POLR3GL: variants seen among roughly 807,000 people sequenced by gnomAD.
The protein encoded by POLR3GL is DNA-directed RNA polymerase III subunit RPC7-like.
POLR3GL carries 26 observed loss-of-function variants against 32.4 expected under a neutral mutation model. The ratio of observed to expected loss-of-function variants is 0.80; its 90% CI spans 0.59 to 1.11. The LOEUF (loss-of-function observed/expected upper bound fraction) is 1.11, where lower values mean the gene tolerates loss of function less well. Ranked by LOEUF, POLR3GL falls within the 50% of genes most tolerant of loss-of-function variation. POLR3GL has a pLI of 0.00. For synonymous variants in POLR3GL, 95 were observed against 98.7 expected (o/e 0.96, Z 0.22); for missense variants, 229 against 280.1 (o/e 0.82, Z 1.30).
chr1:145,978,353 C>G lies in POLR3GL; in HGVS notation c.571-8C>G, dbSNP rs6694055. On this transcript the variant is annotated splice_polypyrimidine_tract_variant and splice_region_variant and intron_variant, in intron 7 of 7. Coordinates refer to ENST00000369314, the MANE Select transcript of POLR3GL (RefSeq NM_032305.3). Reference sequence around the variant, plus strand: ...AATTGACTTTTACTTTTTTTTTTTCCATTTCAGGAAACTGATTACATCATG... The same window carrying G: ...AATTGACTTTTACTTTTTTTTTTTCGATTTCAGGAAACTGATTACATCATG... The G allele has an allele frequency of 0.016, 16,883 of 1,060,178 alleles. 1,044 individuals carry two copies. In the African/African-American group the frequency reaches 0.22, roughly 14 times the overall value. The allele number at this position is 1,060,178 out of a possible 1,614,324, so 65.7% of individuals were successfully genotyped here. A position where few individuals can be genotyped will look rare whatever the true frequency, so the allele number is the denominator to read the frequency against.
intron 1 of POLR3GL, among the ~76,000 whole-genome samples, chr1:145,970,697 C>T (rs1650236892): frequency 6.6e-6 from 1 of 150,724 alleles, no homozygotes; most frequent in Non-Finnish European, 1.5e-5. Flanking sequence ...GATGGTGAAA[C>T]CCCGTCTCTA....
intron 7 of POLR3GL, 84 bp from the exon 8 acceptor site, chr1:145,978,277 G>A: frequency 2.3e-6 from 3 of 1,303,840 alleles, no homozygotes; most frequent in Middle Eastern, 1.9e-4. Context: ...GCCTGGAATG[G>A]TGTGACTGAG....
intron 1 of POLR3GL, among the ~76,000 whole-genome samples, chr1:145,969,135 G>A (rs1452255586): frequency 6.6e-6 from 1 of 152,004 alleles, no homozygotes; most frequent in Non-Finnish European, 1.5e-5. Context: ...GTCTCACTCT[G>A]TTGCCCAGAC....
chr1:145,973,946 T>G, intron 1 of POLR3GL, among the ~76,000 whole-genome samples: 1 of 117,982 alleles, frequency 8.5e-6, no homozygotes, highest in African/African-American at 3.3e-5. Context: ...CTTGACATAA[T>G]GAAATCCAGT....
At chr1:145,976,755 A>G (rs868909395) in intron 3 of POLR3GL, among the ~76,000 whole-genome samples, 3 of 151,734 alleles carry the variant, frequency 2.0e-5, no homozygotes, top group African/African-American at 7.3e-5. Context: ...TCTACTAAAA[A>G]TACAAAAATT....
chr1:145,971,989 A>AATATATATATATAT (rs1165893062), intron 1 of POLR3GL, among the ~76,000 whole-genome samples: 1 of 66,966 alleles, frequency 1.5e-5, no homozygotes, highest in African/African-American at 6.4e-5. Context: ...AAAAAAAAAA[A>AATATATATATATAT]ATATATATAT....
At chr1:145,974,588 A>G (rs1650463632) in intron 1 of POLR3GL, among the ~76,000 whole-genome samples, 1 of 152,332 alleles carries the variant, frequency 6.6e-6, no homozygotes, top group Middle Eastern at 3.4e-3. Flanking sequence ...AGGTGTCAGC[A>G]CTTTCTCCTT....
chr1:145,970,531 G>C (rs1325220652), intron 1 of POLR3GL, among the ~76,000 whole-genome samples: 1 of 151,948 alleles, frequency 6.6e-6, no homozygotes, highest in African/African-American at 2.4e-5. Flanking sequence ...AAATTTAGCA[G>C]ATAGTGCCAA....
chr1:145,977,786 A>G lies in POLR3GL; in HGVS notation c.391A>G (p.Ile131Val). Residue 131 changes from isoleucine to valine, a missense_variant, in exon 6 of 8, where the codon ATT (isoleucine) becomes GTT (valine). Ile to Val is a conservative substitution (Grantham distance 29). Transcript: ENST00000369314. ...TTTGATCCCTCCACCAGGGATTACA[A>G]TTCTGCTCCCCAAGAGGCCCCCTAA... ...VRKLQKERITILLPKRPPKTT... is the reference protein window; with the variant it reads ...VRKLQKERITVLLPKRPPKTT... The G allele has an allele frequency of 1.2e-6, 2 of 1,614,060 alleles. No individual in the cohort carries two copies. Among genetic ancestry groups the G allele is most frequent in the Non-Finnish European group, 1.7e-6 (2 of 1,179,948 alleles).
chr1:145,974,815 T>C lies in POLR3GL; in HGVS notation c.-41-10T>C. The stretch of plus-strand genomic sequence containing the variant: ...ACATTTCTTTTTCTCTTTGTTTTTG[T>C]CTTTATTAGGTTTATTCACTGGATC... On this transcript the variant is annotated splice_polypyrimidine_tract_variant and intron_variant, in intron 1 of 7. Transcript: ENST00000369314. 6.9e-7 allele frequency: 1 copy of C among 1,448,406 alleles called. No individual in the cohort carries two copies. The highest frequency in any genetic ancestry group is 1.5e-5 in the South Asian group (1 of 65,910). 89.7% of individuals were successfully genotyped at this position (1,448,406 alleles called of 1,614,324 possible).
In POLR3GL at chr1:145,977,122, C is replaced by T; in HGVS notation, c.295C>T (p.Pro99Ser). ...TTCAGACAAATATCAGATGTCAGGT[C>T]CGATTGACAATGCCATCGATTGGAA... ...RYSDKYQMSG[P>S]IDNAIDWNPD... Residue 99 changes from proline to serine, a missense_variant, in exon 4 of 8, where the codon CCG becomes TCG. Coordinates refer to ENST00000369314, the MANE Select transcript of POLR3GL (RefSeq NM_032305.3). The T allele has an allele frequency of 6.2e-7, 1 of 1,613,846 alleles. No individual in the cohort carries two copies.
intron 1 of POLR3GL, among the ~76,000 whole-genome samples, chr1:145,967,293 G>C (rs745968832): frequency 1.3e-5 from 2 of 151,846 alleles, no homozygotes; most frequent in Non-Finnish European, 2.9e-5. Flanking sequence ...TCATGCCTCA[G>C]CCTCCTGAGT....
Position 145,967,180 on chromosome 1 carries a change from C to CT in POLR3GL, c.-42+2426dup, listed in dbSNP as rs1409457547. On this transcript the variant is annotated intron_variant, in intron 1 of 7. Transcript: ENST00000369314. ...GTGGTTTTATTGGCCATTCTCTCTC[C>CT]TTTTTTTTTTTTTTGAGACAGTCTT... Among the ~76,000 whole-genome samples the CT allele has an allele frequency of 7.3e-3, 1,038 of 142,268 alleles. 6 individuals carry two copies. Among genetic ancestry groups the CT allele is most frequent in the South Asian group, 0.017 (77 of 4,482 alleles). 93.3% of individuals were successfully genotyped at this position (142,268 alleles called of 152,430 possible).
In POLR3GL at chr1:145,971,469, A is replaced by G. The variant is rs587646520; in HGVS notation, c.-41-3356A>G. 5.6e-4 allele frequency among the ~76,000 whole-genome samples: 86 copies of G among 152,246 alleles called. 1 individual carries two copies. Among genetic ancestry groups the G allele is most frequent in the African/African-American group, 2.1e-3 (86 of 41,552 alleles). On this transcript the variant is annotated intron_variant, in intron 1 of 7. Coordinates refer to ENST00000369314, the MANE Select transcript of POLR3GL (RefSeq NM_032305.3). Reference sequence around the variant, plus strand: ...TATTGTAGGATGCCTTTCTGCTGGAATTTGATATTTTTCTCTTTATTAGTG... The same window carrying G: ...TATTGTAGGATGCCTTTCTGCTGGAGTTTGATATTTTTCTCTTTATTAGTG...
At chr1:145,973,382 C>G (rs1650410972) in intron 1 of POLR3GL, among the ~76,000 whole-genome samples, 1 of 152,076 alleles carries the variant, frequency 6.6e-6, no homozygotes, top group South Asian at 2.1e-4. Context: ...TGGATACCAT[C>G]TCTTTAGGGA....
Position 145,978,429 on chromosome 1 carries a change from G to T in POLR3GL, c.639G>T (p.Met213Ile). 6.2e-7 allele frequency: 1 copy of T among 1,605,054 alleles called. No individual in the cohort carries two copies. The highest frequency in any genetic ancestry group is 8.5e-7 in the Non-Finnish European group (1 of 1,172,080). ...TTGGTGGTGACAGTGATGACAATATGGACGAGGCTATATACTGAAGAAGGA... is the reference window on the plus strand; with the variant it reads ...TTGGTGGTGACAGTGATGACAATATTGACGAGGCTATATACTGAAGAAGGA... Reference protein sequence around the residue: ...EDFGGDSDDNMDEAIY With the variant: ...EDFGGDSDDNIDEAIY Residue 213 changes from methionine (M) to isoleucine (I), a missense_variant, in exon 8 of 8, where the codon ATG (methionine) becomes ATT (isoleucine). Transcript: ENST00000369314.
At chr1:145,965,817 G>A (rs1389860069) in intron 1 of POLR3GL, among the ~76,000 whole-genome samples, 2 of 152,094 alleles carry the variant, frequency 1.3e-5, no homozygotes, top group African/African-American at 4.8e-5. Context: ...CACTTCCACT[G>A]TAAAAGAGGG....
chr1:145,973,582 C>T (rs760024347), intron 1 of POLR3GL, among the ~76,000 whole-genome samples: 4 of 152,048 alleles, frequency 2.6e-5, no homozygotes, highest in African/African-American at 9.7e-5. Flanking sequence ...CTTGGTGGCA[C>T]ATGCCTGTAG....
chr1:145,977,383 T>C, intron 4 of POLR3GL, 100 bp from the exon 5 acceptor site: 1 of 1,222,456 alleles, frequency 8.2e-7, no homozygotes, highest in Non-Finnish European at 1.2e-6. Context: ...GCCCCTTCCT[T>C]CCTCTCCTTT....
Sources: gnomAD v4.1 joint callset for allele counts (sites outside exome capture counted in the v4.1 genomes callset) on GRCh38, gnomAD v4.1.1 for gene constraint, MANE v1.5 for transcripts, NCBI Gene and HGNC (gene_info 2026-07-23, HGNC 2026-07-21) for gene names.